ENTREP2: variants seen among roughly 807,000 people sequenced by gnomAD.
ENTREP2 encodes the protein endosomal transmembrane epsin interactor 2, also known as protein ENTREP2.
the ENTREP2 span, among the ~76,000 whole-genome samples, chr15:29,619,058 C>T: frequency 6.6e-6 from 1 of 152,190 alleles, no homozygotes; most frequent in Non-Finnish European, 1.5e-5. Flanking sequence ...GCGAAATCAC[C>T]CTTTCTGAGT....
the ENTREP2 span, among the ~76,000 whole-genome samples, chr15:29,669,334 A>G: frequency 6.6e-6 from 1 of 152,190 alleles, no homozygotes; most frequent in Non-Finnish European, 1.5e-5. Context: ...GTTATCACAG[A>G]GTGGAATTGG....
At chr15:29,338,059 A>G in the ENTREP2 span, among the ~76,000 whole-genome samples, 1 of 152,128 alleles carries the variant, frequency 6.6e-6, no homozygotes, top group African/African-American at 2.4e-5. Flanking sequence ...ATATGTATCT[A>G]TATCATCATA....
At chr15:29,291,198 T>C in the ENTREP2 span, among the ~76,000 whole-genome samples, 1 of 152,298 alleles carries the variant, frequency 6.6e-6, no homozygotes, top group South Asian at 2.1e-4. Flanking sequence ...ATACTATGCA[T>C]TTGTGACTAA....
At chr15:29,326,483 C>T in the ENTREP2 span, among the ~76,000 whole-genome samples, 2 of 151,860 alleles carry the variant, frequency 1.3e-5, no homozygotes, top group African/African-American at 2.4e-5. Context: ...ACCAAGAAAA[C>T]GAAATACTTA....
At chr15:29,301,570 A>G in the ENTREP2 span, among the ~76,000 whole-genome samples, 1 of 152,220 alleles carries the variant, frequency 6.6e-6, no homozygotes, top group Non-Finnish European at 1.5e-5. Flanking sequence ...CTGTGTCTCC[A>G]GATACTACCT....
the ENTREP2 span, among the ~76,000 whole-genome samples, chr15:29,555,099 AC>A: frequency 6.6e-6 from 1 of 152,240 alleles, no homozygotes; most frequent in Non-Finnish European, 1.5e-5. Context: ...AACTGTGTGC[AC>A]AGTATCTCCT....
chr15:29,501,096 T>C, the ENTREP2 span, among the ~76,000 whole-genome samples: 1 of 152,094 alleles, frequency 6.6e-6, no homozygotes, highest in African/African-American at 2.4e-5. Flanking sequence ...CTCGACCAGA[T>C]GGTTTCATTG....
At chr15:29,467,147 A>G in the ENTREP2 span, among the ~76,000 whole-genome samples, 3 of 152,056 alleles carry the variant, frequency 2.0e-5, no homozygotes, top group African/African-American at 7.3e-5. Context: ...GAGGAACAGC[A>G]GCAGGGGTGG....
At chr15:29,502,178 A>G in the ENTREP2 span, among the ~76,000 whole-genome samples, 3 of 151,956 alleles carry the variant, frequency 2.0e-5, no homozygotes, top group Non-Finnish European at 4.4e-5. Context: ...ACAATCTTGA[A>G]AAAGAACAAA....
the ENTREP2 span, among the ~76,000 whole-genome samples, chr15:29,202,567 C>T: frequency 2.6e-5 from 4 of 152,052 alleles, no homozygotes; most frequent in Non-Finnish European, 4.4e-5. Flanking sequence ...CTGCTGCACC[C>T]GTCAACCCAT....
the ENTREP2 span, among the ~76,000 whole-genome samples, chr15:29,230,297 C>T: frequency 1.3e-5 from 2 of 152,118 alleles, no homozygotes; most frequent in South Asian, 2.1e-4. Flanking sequence ...CTTTCCAATA[C>T]GTAAATCTGA....
chr15:29,462,056 C>T, the ENTREP2 span, among the ~76,000 whole-genome samples: 1 of 152,156 alleles, frequency 6.6e-6, no homozygotes, highest in African/African-American at 2.4e-5. Flanking sequence ...CAAGGTTCAT[C>T]CATGGTGCAG....
chr15:29,220,812 G>T, the ENTREP2 span, among the ~76,000 whole-genome samples: 1 of 150,716 alleles, frequency 6.6e-6, no homozygotes, highest in Non-Finnish European at 1.5e-5. Flanking sequence ...TGACCTTTTA[G>T]GGAAAAAAAA....
the ENTREP2 span, among the ~76,000 whole-genome samples, chr15:29,379,157 A>T: frequency 5.3e-5 from 8 of 152,220 alleles, no homozygotes; most frequent in Non-Finnish European, 1.2e-4. Flanking sequence ...GATGGGCCTC[A>T]TGACAGGCTC....
At chr15:29,321,633 G>A in the ENTREP2 span, among the ~76,000 whole-genome samples, 3 of 146,730 alleles carry the variant, frequency 2.0e-5, no homozygotes, top group Non-Finnish European at 3.0e-5. Context: ...TGGGTGACAA[G>A]AGTGAGACTC....
At chr15:29,349,116 G>A in the ENTREP2 span, among the ~76,000 whole-genome samples, 1 of 152,164 alleles carries the variant, frequency 6.6e-6, no homozygotes, top group South Asian at 2.1e-4. Flanking sequence ...CCCCCCGAAA[G>A]TTCACAGACT....
chr15:29,570,631 G>A, the ENTREP2 span: 3 of 1,412,832 alleles, frequency 2.1e-6, no homozygotes, highest in Non-Finnish European at 2.8e-6. Flanking sequence ...GCGCCAGCAC[G>A]ATGCGGGAGC....
chr15:29,654,956 G>A, the ENTREP2 span, among the ~76,000 whole-genome samples: 2 of 152,010 alleles, frequency 1.3e-5, no homozygotes, highest in African/African-American at 2.4e-5. Flanking sequence ...CAAAAGGAGG[G>A]GTACTTTGTA....
the ENTREP2 span, among the ~76,000 whole-genome samples, chr15:29,651,453 G>C: frequency 7.9e-5 from 12 of 152,188 alleles, no homozygotes; most frequent in Non-Finnish European, 1.5e-4. Flanking sequence ...AGCTGCAGCA[G>C]ACAGGCAGGC....
Sources: allele counts gnomAD v4.1 joint callset (sites outside exome capture counted in the v4.1 genomes callset), GRCh38; gene constraint gnomAD v4.1.1; transcripts MANE v1.5; gene names NCBI Gene and HGNC (gene_info 2026-07-23, HGNC 2026-07-21).